RTN4: variants seen among roughly 807,000 people sequenced by gnomAD.
RTN4 encodes the protein reticulon-4.
Under a neutral mutation model 90.4 loss-of-function variants are expected in RTN4, and 32 were observed. The observed-to-expected ratio is 0.35, with a 90% CI of 0.27 to 0.48. The LOEUF is 0.48. Ranked by LOEUF, RTN4 falls within the 20% of genes least tolerant of loss-of-function variation. The probability of loss-of-function intolerance (pLI) is 0.99; values close to 1 mark genes in which losing one functional copy is unlikely to be tolerated. For synonymous variants in RTN4, 629 were observed against 552.5 expected (o/e 1.14, Z -1.94); for missense variants, 1,706 against 1,430.2 (o/e 1.19, Z -3.11).
chr2:54,995,874 G>A (rs1177530652), intron 3 of RTN4, among the ~76,000 whole-genome samples: 1 of 152,102 alleles, frequency 6.6e-6, no homozygotes, highest in Non-Finnish European at 1.5e-5. Context: ...GCCCCAGCAA[G>A]GAATTGTTTT....
At chr2:55,121,511 G>A in the RTN4 span, among the ~76,000 whole-genome samples, 15,275 of 152,230 alleles carry the variant, frequency 0.1, 838 homozygotes, top group East Asian at 0.19. Flanking sequence ...TTCATGTTCT[G>A]TTTATTACCA....
chr2:55,104,832 A>G (rs1573519924), intron 1 of RTN4, among the ~76,000 whole-genome samples: 1 of 152,018 alleles, frequency 6.6e-6, no homozygotes. Flanking sequence ...TTTGAAACAG[A>G]GTCTCATTCT....
chr2:55,013,613 G>A (rs1400274553), intron 3 of RTN4, among the ~76,000 whole-genome samples: 63 of 125,704 alleles, frequency 5.0e-4, no homozygotes, highest in African/African-American at 1.7e-3. Flanking sequence ...TTTTTTGGGG[G>A]GGGGGGAGGG....
intron 2 of RTN4, among the ~76,000 whole-genome samples, chr2:55,075,112 CA>C (rs748945477): frequency 1.3e-5 from 2 of 152,144 alleles, no homozygotes; most frequent in Non-Finnish European, 2.9e-5. Flanking sequence ...AAAAGGCATC[CA>C]AATTGGTAAT....
chr2:55,041,590 A>G (rs893667278), intron 1 of RTN4, among the ~76,000 whole-genome samples: 11 of 152,122 alleles, frequency 7.2e-5, no homozygotes, highest in Non-Finnish European at 2.9e-5. Context: ...ATGGTACTTC[A>G]AAGTGGTTAA....
chr2:55,028,221 C>G lies in RTN4; in HGVS notation c.557-1G>C. The G allele has an allele frequency of 6.2e-7, 1 of 1,612,200 alleles. No homozygotes were observed. The highest frequency in any genetic ancestry group is 8.5e-7 in the Non-Finnish European group (1 of 1,178,934). ...GCAGGAAGAGCAAAAAGGGTCTCAT[C>G]TGAAAAACAAATAGAATATAACCTC... On this transcript the variant is annotated splice_acceptor_variant, in intron 1 of 8. Coordinates refer to ENST00000337526, the MANE Select transcript of RTN4 (RefSeq NM_020532.5). LOFTEE classifies it high-confidence loss of function.
chr2:55,025,682 C>T lies in RTN4; in HGVS notation c.2417G>A (p.Ser806Asn). The change falls in exon 3 of 9, where the codon AGT (serine) becomes AAT (asparagine). Residue 806 changes from serine to asparagine, a missense_variant. Transcript: ENST00000337526. ...GKPYLESFKLSLDNTKDTLLP... is the reference protein window; with the variant it reads ...GKPYLESFKLNLDNTKDTLLP... ...CAGGGTATCTTTTGTGTTATCTAAA[C>T]TGAGCTTAAAAGATTCCAAATATGG... is the stretch of plus-strand genomic sequence containing the variant. 1.9e-6 allele frequency: 3 copies of T among 1,613,818 alleles called. No homozygotes were observed. Among genetic ancestry groups the T allele is most frequent in the Non-Finnish European group, 2.5e-6 (3 of 1,179,826 alleles).
chr2:55,121,045 C>T, the RTN4 span, among the ~76,000 whole-genome samples: 2 of 152,308 alleles, frequency 1.3e-5, no homozygotes, highest in African/African-American at 4.8e-5. Flanking sequence ...GCATCCAATG[C>T]CTTCGCCAGA....
chr2:55,032,128 T>C (rs1442134459), intron 1 of RTN4, among the ~76,000 whole-genome samples: 5 of 152,084 alleles, frequency 3.3e-5, no homozygotes, highest in Non-Finnish European at 5.9e-5. Flanking sequence ...TCACCCAGGC[T>C]GGAGTACAGC....
intron 1 of RTN4, among the ~76,000 whole-genome samples, chr2:55,110,874 C>T (rs1668026127): frequency 6.6e-6 from 1 of 152,144 alleles, no homozygotes; most frequent in East Asian, 1.9e-4. Context: ...AACCCTGTCT[C>T]TACTAAAAAT....
At chr2:55,110,889 A>G (rs1281155526) in intron 1 of RTN4, among the ~76,000 whole-genome samples, 2 of 152,134 alleles carry the variant, frequency 1.3e-5, no homozygotes, top group Non-Finnish European at 2.9e-5. Flanking sequence ...AAAAATACAA[A>G]AATTAGCTGG....
At chr2:55,017,480 A>C (rs1340475510) in intron 3 of RTN4, among the ~76,000 whole-genome samples, 1 of 152,206 alleles carries the variant, frequency 6.6e-6, no homozygotes, top group African/African-American at 2.4e-5. Flanking sequence ...AATTATAATG[A>C]ACAAATAATC....
intron 1 of RTN4, among the ~76,000 whole-genome samples, chr2:55,087,793 A>T (rs542757597): frequency 1.7e-3 from 256 of 152,196 alleles, no homozygotes; most frequent in African/African-American, 5.8e-3. Flanking sequence ...ACACTGCTAT[A>T]AGCAGCCTGT....
Position 54,972,986 on chromosome 2 carries a change from C to G in RTN4, c.*170G>C. ...CTTAAGATGATGAACACATGGCAGT[C>G]AAGACAGGTAATTTTTCCTCACAAC... On this transcript the variant is annotated 3_prime_UTR_variant, in exon 9 of 9. Coordinates refer to ENST00000337526, the MANE Select transcript of RTN4 (RefSeq NM_020532.5). 3.7e-6 allele frequency: 2 copies of G among 536,924 alleles called. No individual in the cohort carries two copies. Among genetic ancestry groups the G allele is most frequent in the East Asian group, 5.7e-5 (2 of 35,222 alleles). 33.3% of individuals were successfully genotyped at this position (536,924 alleles called of 1,614,324 possible).
rs748365669 is a variant in RTN4 at position 55,011,615 on chromosome 2, G to C, written c.3013+13471C>G. 2.0e-5 allele frequency among the ~76,000 whole-genome samples: 3 copies of C among 152,122 alleles called. No homozygotes were observed. The South Asian group carries it at 6.2e-4, about 32-fold the overall frequency. On this transcript the variant is annotated intron_variant, in intron 3 of 8. Transcript: ENST00000337526. Reference sequence around the variant, plus strand: ...ATAGAGATAATATTTTCTGGAACCTGCTATCTGTGGGCTGCAAAATCCTTA... The same window carrying C: ...ATAGAGATAATATTTTCTGGAACCTCCTATCTGTGGGCTGCAAAATCCTTA...
chr2:55,024,966 C>A, intron 3 of RTN4, 120 bp downstream of exon 3: 3 of 1,243,198 alleles, frequency 2.4e-6, no homozygotes, highest in South Asian at 3.1e-5. Context: ...GTGGAGAAGA[C>A]TTCTTACCAA....
At chr2:55,044,010 A>G in intron 1 of RTN4, among the ~76,000 whole-genome samples, 1 of 152,094 alleles carries the variant, frequency 6.6e-6, no homozygotes. Flanking sequence ...AGCCTGGGCA[A>G]CATGGCGAAA....
intron 2 of RTN4, among the ~76,000 whole-genome samples, chr2:55,072,641 T>C (rs1019020275): frequency 6.6e-6 from 1 of 152,220 alleles, no homozygotes; most frequent in African/African-American, 2.4e-5. Flanking sequence ...CAATTTCTTC[T>C]CTTTAATTAT....
Position 54,987,617 on chromosome 2 carries a change from G to A in RTN4, c.3095C>T (p.Thr1032Ile), listed in dbSNP as rs779518376. 6.2e-7 allele frequency: 1 copy of A among 1,614,150 alleles called. No homozygotes were observed. The highest frequency in any genetic ancestry group is 1.1e-5 in the South Asian group (1 of 91,084). ...GASLFLLLSL[T>I]VFSIVSVTAY... is the part of the protein sequence containing the mutation. ...TGTTACGCTCACAATGCTGAATACT[G>A]TCAATGAAAGCAGCAGGAATAGGCT... Residue 1032 changes from threonine (T) to isoleucine (I), a missense_variant, in exon 4 of 9, where the codon ACA becomes ATA. Transcript: ENST00000337526.
Sources: gnomAD v4.1 joint callset for allele counts (sites outside exome capture counted in the v4.1 genomes callset) on GRCh38, gnomAD v4.1.1 for gene constraint, MANE v1.5 for transcripts, NCBI Gene and HGNC (gene_info 2026-07-23, HGNC 2026-07-21) for gene names.